Variants in NBEA observed in about 807,000 individuals in gnomAD.
NBEA encodes neurobeachin, also known as lysosomal-trafficking regulator 2.
NBEA carries 44 observed loss-of-function variants against 343.4 expected under a neutral mutation model. That is an observed-to-expected ratio of 0.13 (90% CI 0.10 to 0.16). NBEA has a LOEUF of 0.16. Among genes scored for constraint, NBEA ranks in the 10% least tolerant of loss-of-function variants. The probability of loss-of-function intolerance (pLI) is 1.00; values close to 1 mark genes in which losing one functional copy is unlikely to be tolerated. For synonymous variants in NBEA, 1,175 were observed against 1,238.7 expected (o/e 0.95, Z 1.08); for missense variants, 2,555 against 3,631.3 (o/e 0.70, Z 7.62).
At chr13:34,954,264 A>G (rs1172465648) in intron 1 of NBEA, among the ~76,000 whole-genome samples, 3 of 152,178 alleles carry the variant, frequency 2.0e-5, no homozygotes, top group African/African-American at 7.2e-5. Context: ...CCTGGAACCA[A>G]TCCCCCAGAG....
chr13:35,388,783 A>G (rs887375249), intron 38 of NBEA, among the ~76,000 whole-genome samples: 17 of 152,202 alleles, frequency 1.1e-4, no homozygotes, highest in African/African-American at 4.1e-4. Flanking sequence ...GGGAATACCA[A>G]GTAAAATGTA....
intron 39 of NBEA, among the ~76,000 whole-genome samples, chr13:35,448,647 T>G (rs1031564356): frequency 2.0e-5 from 3 of 152,162 alleles, no homozygotes; most frequent in African/African-American, 7.2e-5. Flanking sequence ...TTTGTGGAGT[T>G]AAATAAGCAA....
intron 27 of NBEA, 126 bp downstream of exon 27, chr13:35,173,720 C>A: frequency 1.3e-6 from 1 of 767,938 alleles, no homozygotes; most frequent in Non-Finnish European, 1.8e-6. Flanking sequence ...TTAGGCAGCT[C>A]TAGGCTGCTT....
chr13:35,454,431 C>G (rs1218577228), intron 40 of NBEA, among the ~76,000 whole-genome samples: 1 of 152,144 alleles, frequency 6.6e-6, no homozygotes, highest in Non-Finnish European at 1.5e-5. Context: ...TTGTCCAAAT[C>G]ATGGTTATCT....
chr13:35,426,977 G>A (rs1450710481), intron 38 of NBEA, among the ~76,000 whole-genome samples: 1 of 152,160 alleles, frequency 6.6e-6, no homozygotes, highest in Non-Finnish European at 1.5e-5. Flanking sequence ...ATGGTTTTCA[G>A]CTCCATCAGG....
chr13:35,414,162 G>C (rs2043755161), intron 38 of NBEA, among the ~76,000 whole-genome samples: 1 of 152,040 alleles, frequency 6.6e-6, no homozygotes, highest in South Asian at 2.1e-4. Context: ...TGACTAAATA[G>C]GCATATCATA....
At chr13:35,310,656 T>C (rs956305074) in intron 36 of NBEA, among the ~76,000 whole-genome samples, 1 of 152,200 alleles carries the variant, frequency 6.6e-6, no homozygotes, top group African/African-American at 2.4e-5. Context: ...ATGTGACATA[T>C]ATAGCTTCTA....
Position 35,667,359 on chromosome 13 carries a change from G to GTA in NBEA, c.8465-14_8465-13insAT. ...GTCCCCAACTGACCCTGGCATTGAT[G>GTA]TCCCCACTTTGCAGAGGGCCCTTGC... On this transcript the variant is annotated splice_polypyrimidine_tract_variant and intron_variant, in intron 56 of 58. Coordinates refer to ENST00000379939, the MANE Select transcript of NBEA (RefSeq NM_001385012.1). The GTA allele has an allele frequency of 6.2e-7, 1 of 1,610,782 alleles. No individual in the cohort carries two copies. The highest frequency in any genetic ancestry group is 8.5e-7 in the Non-Finnish European group (1 of 1,178,002).
At chr13:35,487,522 A>G (rs2076345956) in intron 41 of NBEA, among the ~76,000 whole-genome samples, 3 of 151,900 alleles carry the variant, frequency 2.0e-5, no homozygotes, top group Admixed American at 6.6e-5. Context: ...AACTGTCTGA[A>G]TCTTCTCTAC....
intron 55 of NBEA, among the ~76,000 whole-genome samples, chr13:35,660,666 T>G (rs2085048987): frequency 6.6e-6 from 1 of 152,184 alleles, no homozygotes; most frequent in Non-Finnish European, 1.5e-5. Context: ...TCCCTCTCTT[T>G]GTTGGCATCC....
chr13:35,206,496 A>C (rs1009025078), intron 31 of NBEA, among the ~76,000 whole-genome samples: 2 of 152,150 alleles, frequency 1.3e-5, no homozygotes, highest in Non-Finnish European at 2.9e-5. Flanking sequence ...CTGGAGAGTC[A>C]ATGAAATAGT....
intron 17 of NBEA, among the ~76,000 whole-genome samples, chr13:35,127,514 G>A (rs147030047): frequency 3.3e-5 from 5 of 152,200 alleles, no homozygotes; most frequent in Admixed American, 6.5e-5. Context: ...TGACACAACC[G>A]TAATGAATTG....
intron 47 of NBEA, among the ~76,000 whole-genome samples, chr13:35,594,591 G>A (rs531149820): frequency 6.6e-6 from 1 of 152,026 alleles, no homozygotes; most frequent in East Asian, 1.9e-4. Context: ...AAGCTTTGAA[G>A]TTCTAACGGT....
At chr13:35,406,480 C>G (rs2043277681) in intron 38 of NBEA, among the ~76,000 whole-genome samples, 1 of 152,026 alleles carries the variant, frequency 6.6e-6, no homozygotes, top group African/African-American at 2.4e-5. Context: ...TTTGAGTCCC[C>G]AAGTCCATTG....
At chr13:35,355,899 A>G (rs926568961) in intron 38 of NBEA, among the ~76,000 whole-genome samples, 1 of 151,582 alleles carries the variant, frequency 6.6e-6, no homozygotes, top group Non-Finnish European at 1.5e-5. Context: ...GCATTTCCCC[A>G]CTTTTCAACA....
intron 13 of NBEA, among the ~76,000 whole-genome samples, chr13:35,114,061 T>A (rs1184492351): frequency 6.6e-6 from 1 of 152,230 alleles, no homozygotes; most frequent in Non-Finnish European, 1.5e-5. Flanking sequence ...TTAGCCATTT[T>A]TCCAGGAAGC....
chr13:35,468,942 T>C (rs920260004), intron 40 of NBEA, among the ~76,000 whole-genome samples: 3 of 151,606 alleles, frequency 2.0e-5, no homozygotes, highest in African/African-American at 7.3e-5. Context: ...CTACTAAAAA[T>C]ACAAAAATTA....
At chr13:35,271,999 C>T (rs891291718) in intron 34 of NBEA, among the ~76,000 whole-genome samples, 9 of 152,112 alleles carry the variant, frequency 5.9e-5, no homozygotes, top group Non-Finnish European at 1.3e-4. Context: ...TCAGGAAATA[C>T]AGAGAACACC....
At chr13:35,130,696 AG>A (rs1167571506) in intron 17 of NBEA, among the ~76,000 whole-genome samples, 1 of 151,940 alleles carries the variant, frequency 6.6e-6, no homozygotes, top group Non-Finnish European at 1.5e-5. Flanking sequence ...CATTGGCTTG[AG>A]TGTCATACAC....
Sources: gnomAD v4.1 joint callset for allele counts (sites outside exome capture counted in the v4.1 genomes callset) on GRCh38, gnomAD v4.1.1 for gene constraint, MANE v1.5 for transcripts, NCBI Gene and HGNC (gene_info 2026-07-23, HGNC 2026-07-21) for gene names.